PWWP2A: variants seen among roughly 807,000 people sequenced by gnomAD.
PWWP2A encodes PWWP domain-containing protein 2A.
A neutral mutation model predicts 48.5 loss-of-function variants in PWWP2A; 18 were observed. That is an observed-to-expected ratio of 0.37 (90% CI 0.26 to 0.55). The LOEUF (loss-of-function observed/expected upper bound fraction) is 0.55. Ranked by LOEUF, PWWP2A falls within the 20% of genes least tolerant of loss-of-function variation. The probability of loss-of-function intolerance (pLI) is 0.81; values close to 1 mark genes in which losing one functional copy is unlikely to be tolerated. For missense variants in PWWP2A, 867 were observed against 976.4 expected (o/e 0.89, Z 1.49); for synonymous variants, 396 against 387.7 (o/e 1.02, Z -0.25).
chr5:160,115,166 A>AAG (rs1757995044), intron 1 of PWWP2A, among the ~76,000 whole-genome samples: 1 of 140,050 alleles, frequency 7.1e-6, no homozygotes, highest in Non-Finnish European at 1.6e-5. Context: ...AAAAAAAAAA[A>AAG]AGAGCACAAA....
At chr5:160,089,856 A>G (rs1581186906), downstream of PWWP2A, 5 of 985,248 alleles carry the variant, frequency 5.1e-6, no homozygotes, top group East Asian at 4.5e-4. Flanking sequence ...TATCATTTCA[A>G]AGAGAAATAT....
the PWWP2A span, among the ~76,000 whole-genome samples, chr5:160,044,685 C>T: frequency 6.6e-6 from 1 of 152,184 alleles, no homozygotes; most frequent in Non-Finnish European, 1.5e-5. Context: ...CTTTGGCCAG[C>T]CTCTTTACTG....
downstream of PWWP2A, among the ~76,000 whole-genome samples, chr5:160,086,642 C>T (rs1561660407): frequency 1.3e-5 from 2 of 152,072 alleles, no homozygotes; most frequent in Non-Finnish European, 2.9e-5. Flanking sequence ...CCTATAATCC[C>T]AGCACTTTGG....
At chr5:160,109,317 A>G (rs1372537555) in intron 1 of PWWP2A, among the ~76,000 whole-genome samples, 1 of 151,344 alleles carries the variant, frequency 6.6e-6, no homozygotes. Flanking sequence ...CCCTTACTTC[A>G]TGATTCCTTA....
chr5:160,073,781 C>G (rs1294942359), downstream of PWWP2A, among the ~76,000 whole-genome samples: 1 of 152,010 alleles, frequency 6.6e-6, no homozygotes, highest in Non-Finnish European at 1.5e-5. Flanking sequence ...AATTTCATTC[C>G]AAGCCGGGTG....
chr5:160,095,649 A>G (rs1169692300), intron 1 of PWWP2A, among the ~76,000 whole-genome samples: 1 of 149,780 alleles, frequency 6.7e-6, no homozygotes. Context: ...TATTTTCTAC[A>G]CTACAAATCT....
At chr5:160,102,008 A>C (rs1238757493) in intron 1 of PWWP2A, among the ~76,000 whole-genome samples, 1 of 150,656 alleles carries the variant, frequency 6.6e-6, no homozygotes, top group Non-Finnish European at 1.5e-5. Flanking sequence ...TACTTGGGAG[A>C]CTGAGGCAGG....
At chr5:160,049,737 T>G in the PWWP2A span, 1 of 1,215,182 alleles carries the variant, frequency 8.2e-7, no homozygotes, top group Non-Finnish European at 1.1e-6. Context: ...AAATAATCCT[T>G]TCAGACACAA....
intron 4 of PWWP2A, among the ~76,000 whole-genome samples, chr5:160,064,155 GA>G (rs2113429238): frequency 6.6e-6 from 1 of 152,048 alleles, no homozygotes; most frequent in African/African-American, 2.4e-5. Context: ...TTTTTGTAGA[GA>G]TAGGGTTTCA....
At chr5:160,045,584 A>G in the PWWP2A span, among the ~76,000 whole-genome samples, 1 of 148,412 alleles carries the variant, frequency 6.7e-6, no homozygotes, top group African/African-American at 2.5e-5. Context: ...CTCAATTCAT[A>G]AACCTTGGCA....
intron 1 of PWWP2A, among the ~76,000 whole-genome samples, chr5:160,100,612 G>T (rs1208061984): frequency 1.3e-5 from 2 of 151,870 alleles, no homozygotes; most frequent in African/African-American, 4.8e-5. Flanking sequence ...ACAGAAAAAG[G>T]AAAAAGAAAA....
chr5:160,060,045 GCTCTCTTGATTTGC>G (rs1311489837), downstream of PWWP2A, among the ~76,000 whole-genome samples: 1 of 152,170 alleles, frequency 6.6e-6, no homozygotes, highest in East Asian at 1.9e-4. Context: ...TCTATGCTGG[GCTCTCTTGATTTGC>G]CTTTTGCTCG....
downstream of PWWP2A, among the ~76,000 whole-genome samples, chr5:160,072,661 T>A (rs1049271746): frequency 1.3e-5 from 2 of 152,076 alleles, no homozygotes; most frequent in Non-Finnish European, 2.9e-5. Context: ...ACCACAAGGT[T>A]GAGGCTGCAG....
At chr5:160,055,337 A>G in the PWWP2A span, among the ~76,000 whole-genome samples, 1 of 152,254 alleles carries the variant, frequency 6.6e-6, no homozygotes, top group Non-Finnish European at 1.5e-5. Context: ...ACTTTCTCCA[A>G]AAAGTAACCT....
the PWWP2A span, among the ~76,000 whole-genome samples, chr5:160,051,359 C>CT: frequency 6.6e-6 from 1 of 151,964 alleles, no homozygotes; most frequent in African/African-American, 2.4e-5. Flanking sequence ...AGGGTATTGG[C>CT]TTTTTTTGGA....
downstream of PWWP2A, among the ~76,000 whole-genome samples, chr5:160,073,150 G>C (rs566238024): frequency 6.6e-6 from 1 of 151,912 alleles, no homozygotes; most frequent in Admixed American, 6.6e-5. Context: ...TGCTGTCAAA[G>C]GTCATTGATA....
At position 160,092,520 on chromosome 5, in the gene PWWP2A, G is replaced by A; in HGVS notation, c.2130C>T (p.Ser710=). ...TTSFLALSQL[S]PFLENFQSRF... is the part of the protein sequence containing the mutation. ...GTGACTGGAAGTTTTCTAAAAAGGG[G>A]GAGAGTTGTGAAAGAGCAAGGAAAG... The change falls in exon 2 of 2, where the codon TCC becomes TCT. Residue 710 remains serine (S), a synonymous_variant. Coordinates refer to ENST00000307063, the MANE Select transcript of PWWP2A (RefSeq NM_001130864.2). The A allele has an allele frequency of 6.4e-7, 1 of 1,551,646 alleles. No individual in the cohort carries two copies. The highest frequency in any genetic ancestry group is 1.2e-5 in the South Asian group (1 of 84,058).
intron 1 of PWWP2A, among the ~76,000 whole-genome samples, chr5:160,111,169 A>G (rs1246179242): frequency 6.6e-6 from 1 of 151,856 alleles, no homozygotes; most frequent in East Asian, 1.9e-4. Flanking sequence ...TCTACAAAAA[A>G]TATATATATT....
chr5:160,093,335 C>G lies in PWWP2A; in HGVS notation c.1315G>C (p.Ala439Pro). The G allele has an allele frequency of 6.2e-7, 1 of 1,613,820 alleles. No homozygotes were observed. The highest frequency in any genetic ancestry group is 1.3e-5 in the African/African-American group (1 of 75,028). Residue 439 changes from alanine (A) to proline (P), a missense_variant, in exon 2 of 2, where the codon GCA becomes CCA. By Grantham distance (27) the Ala-to-Pro change is conservative. Transcript: ENST00000307063. This position sits in a 1 kb window ranked among gnomAD's most constrained non-coding sequence, Gnocchi z 5.8. ...REVLKIAKEKAQKKQNETSTS... is the reference protein window; with the variant it reads ...REVLKIAKEKPQKKQNETSTS... ...GAGGTTTCATTTTGCTTCTTTTGTG[C>G]CTTTTCTTTGGCAATTTTTAACACT...
Sources: gnomAD v4.1 joint callset for allele counts (sites outside exome capture counted in the v4.1 genomes callset) on GRCh38, gnomAD v4.1.1 for gene constraint, Gnocchi (gnomAD v3.1) non-coding constraint, MANE v1.5 for transcripts, NCBI Gene and HGNC (gene_info 2026-07-23, HGNC 2026-07-21) for gene names.